BSCL2: variants seen among roughly 807,000 people sequenced by gnomAD.
The protein encoded by BSCL2 is BSCL2 lipid droplet biogenesis associated, seipin.
In BSCL2, 41 loss-of-function variants were observed where a neutral mutation model predicts 57.4. The ratio of observed to expected loss-of-function variants is 0.71; its 90% CI spans 0.56 to 0.93. The LOEUF is 0.93. Among genes scored for constraint, BSCL2 ranks in the 40% least tolerant of loss-of-function variants. The pLI, the probability that BSCL2 is intolerant of heterozygous loss-of-function variation, is 0.00. For synonymous variants in BSCL2, 237 were observed against 227.3 expected (o/e 1.04, Z -0.38); for missense variants, 539 against 586.7 (o/e 0.92, Z 0.84).
upstream of BSCL2, chr11:62,708,834 C>T: frequency 6.4e-7 from 1 of 1,563,452 alleles, no homozygotes; most frequent in Non-Finnish European, 8.8e-7. Context: ...CACAACTCCT[C>T]CCTTTTCCCT....
chr11:62,706,388 G>GCGGGGCGGGGCGGGA (rs976435161), intron 1 of BSCL2: 2 of 839,664 alleles, frequency 2.4e-6, no homozygotes, highest in African/African-American at 1.8e-5. Flanking sequence ...GTCCAGCACG[G>GCGGGGCGGGGCGGGA]CGGGGCGGGG....
At chr11:62,705,224 G>A (rs2083507189) in intron 2 of BSCL2, 77 bp downstream of exon 2, 2 of 1,410,748 alleles carry the variant, frequency 1.4e-6, no homozygotes, top group Non-Finnish European at 2.0e-6. Flanking sequence ...TGTAAATGAG[G>A]GGATTGAACT....
At chr11:62,706,659 C>T (rs1017994932) in intron 1 of BSCL2, 1 of 476,006 alleles carries the variant, frequency 2.1e-6, no homozygotes, top group African/African-American at 2.0e-5. Context: ...GTGAGGCGGT[C>T]ATCCAGCTGG....
intron 1 of BSCL2, chr11:62,706,282 A>C: frequency 6.3e-6 from 7 of 1,109,676 alleles, no homozygotes; most frequent in Non-Finnish European, 7.8e-6. Context: ...TGCCAGGGCA[A>C]CCGTGAGACG....
Position 62,690,407 on chromosome 11 carries a change from C to T in BSCL2, c.1349G>A (p.Gly450Glu), listed in dbSNP as rs2134688482. Residue 450 changes from glycine to glutamate, a missense_variant, in exon 11 of 11, where the codon GGG becomes GAG. Coordinates refer to ENST00000360796, the MANE Select transcript of BSCL2 (RefSeq NM_001122955.4). Reference protein sequence around the residue: ...LETLGSSEPAGGALRQRPTCS... With the variant: ...LETLGSSEPAEGALRQRPTCS... ...GGTGGGGCGCTGTCGGAGAGCACCC[C>T]CAGCAGGTTCAGAGCTGCCCAGAGT... The T allele has an allele frequency of 1.2e-6, 2 of 1,614,090 alleles. No homozygotes were observed. The highest frequency in any genetic ancestry group is 4.5e-5 in the East Asian group (2 of 44,880).
chr11:62,698,802 C>G (rs1463197868), intron 3 of BSCL2, among the ~76,000 whole-genome samples: 1 of 152,204 alleles, frequency 6.6e-6, no homozygotes, highest in Non-Finnish European at 1.5e-5. Context: ...TCCCTTGGCT[C>G]TCTGCCTTCC....
Position 62,703,306 on chromosome 11 carries a change from G to A in BSCL2, c.405-757C>T, listed in dbSNP as rs796447121. 2.0e-5 allele frequency among the ~76,000 whole-genome samples: 3 copies of A among 150,484 alleles called. No homozygotes were observed. The South Asian group carries it at 6.3e-4, about 31-fold the overall frequency. ...CCTCCAATTGTAGGCAAATTTGCAT[G>A]TGGGGGTGTGGGTGCAGCATATGCC... On this transcript the variant is annotated intron_variant, in intron 2 of 10. Transcript: ENST00000360796.
At chr11:62,708,155 C>A (rs1590888458), upstream of BSCL2, 1 of 690,002 alleles carries the variant, frequency 1.4e-6, no homozygotes. Flanking sequence ...ATGAGACAGT[C>A]CACTGGAGGA....
chr11:62,694,481 A>C, intron 4 of BSCL2, 87 bp downstream of exon 4: 1 of 1,592,798 alleles, frequency 6.3e-7, no homozygotes. Context: ...CTGGGATTAT[A>C]GGCCTGAGCC....
Position 62,705,307 on chromosome 11 carries a change from TAGAA to T in BSCL2, c.394_397del (p.Phe132ThrfsTer23), listed in dbSNP as rs767225271. On this transcript the variant is annotated frameshift_variant, in exon 2 of 11. Coordinates refer to ENST00000360796, the MANE Select transcript of BSCL2 (RefSeq NM_001122955.4). LOFTEE classifies it high-confidence loss of function. ...GATAGAAGGCCCCTCTCACCTGTAGTAGAAATGCACAGGGCTGAGGTGGCTGACT... is the reference window on the plus strand; with the variant it reads ...GATAGAAGGCCCCTCTCACCTGTAGTATGCACAGGGCTGAGGTGGCTGACT... 3 of 1,610,926 alleles carry T rather than the reference TAGAA, an allele frequency of 1.9e-6. No individual in the cohort carries two copies. Among genetic ancestry groups the T allele is most frequent in the South Asian group, 2.2e-5 (2 of 90,592 alleles).
At chr11:62,692,888 G>A in intron 4 of BSCL2, 91 bp from the exon 5 acceptor site, 3 of 1,558,810 alleles carry the variant, frequency 1.9e-6, no homozygotes, top group Non-Finnish European at 2.6e-6. Flanking sequence ...AGTAGTCTAT[G>A]AAGGCGGCTT....
At chr11:62,691,205 T>A in intron 7 of BSCL2, 64 bp from the exon 8 acceptor site, 3 of 1,613,938 alleles carry the variant, frequency 1.9e-6, no homozygotes, top group Non-Finnish European at 1.7e-6. Context: ...AGGACCCTCA[T>A]GCCTTAATCC....
At chr11:62,694,517 T>C in intron 4 of BSCL2, 51 bp downstream of exon 4, 1 of 1,613,340 alleles carries the variant, frequency 6.2e-7, no homozygotes, top group Non-Finnish European at 8.5e-7. Flanking sequence ...CTACCCATTC[T>C]GATCCTGCCA....
At chr11:62,702,373 T>C in intron 3 of BSCL2, 95 bp downstream of exon 3, 1 of 1,183,142 alleles carries the variant, frequency 8.5e-7, no homozygotes, top group Admixed American at 2.0e-5. Context: ...GCCAGTCTCT[T>C]ATTACTCAAT....
At chr11:62,690,746 C>T (rs747967927) in intron 9 of BSCL2, 41 bp downstream of exon 9, 1 of 1,613,730 alleles carries the variant, frequency 6.2e-7, no homozygotes, top group South Asian at 1.1e-5. Context: ...AGGAGAAAGC[C>T]AAGGAGTCAG....
At chr11:62,692,234 T>C (rs1945330943) in intron 6 of BSCL2, 142 bp downstream of exon 6, 3 of 826,342 alleles carry the variant, frequency 3.6e-6, no homozygotes, top group African/African-American at 1.7e-5. Context: ...GGCCAATATG[T>C]GGCAGCTTTG....
chr11:62,696,692 G>C (rs934294030), intron 3 of BSCL2, among the ~76,000 whole-genome samples: 1 of 152,126 alleles, frequency 6.6e-6, no homozygotes, highest in South Asian at 2.1e-4. Context: ...TGAGTAGCTG[G>C]AACTACAGGC....
At chr11:62,705,863 T>A in intron 1 of BSCL2, 1 of 526,968 alleles carries the variant, frequency 1.9e-6, no homozygotes. Flanking sequence ...CATTTGATGC[T>A]GGGACAAACC....
At chr11:62,706,559 G>T (rs1324196679) in intron 1 of BSCL2, 2 of 463,428 alleles carry the variant, frequency 4.3e-6, no homozygotes, top group Non-Finnish European at 8.8e-6. Flanking sequence ...TGCGCTGACT[G>T]CAGCCTCCGC....
Sources: allele counts gnomAD v4.1 joint callset (sites outside exome capture counted in the v4.1 genomes callset), GRCh38; gene constraint gnomAD v4.1.1; transcripts MANE v1.5; gene names NCBI Gene and HGNC (gene_info 2026-07-23, HGNC 2026-07-21).